CDH8: variants seen among roughly 807,000 people sequenced by gnomAD.
CDH8 encodes the protein cadherin-8.
Under a neutral mutation model 68.1 loss-of-function variants are expected in CDH8, and 17 were observed. That is an observed-to-expected ratio of 0.25 (90% confidence interval 0.17 to 0.37). The LOEUF is 0.37. Ranked by LOEUF, CDH8 falls within the 10% of genes least tolerant of loss-of-function variation. CDH8 has a pLI of 1.00. For missense variants in CDH8, 763 were observed against 999.3 expected (o/e 0.76, Z 3.19); for synonymous variants, 372 against 365.1 (o/e 1.02, Z -0.21).
intron 2 of CDH8, among the ~76,000 whole-genome samples, chr16:61,977,590 G>A (rs926443802): frequency 2.0e-5 from 3 of 152,000 alleles, no homozygotes; most frequent in African/African-American, 7.3e-5. Context: ...GTCTAAAATT[G>A]AACAATACAC....
chr16:61,778,425 G>A (rs756927609), intron 8 of CDH8, among the ~76,000 whole-genome samples: 25 of 151,990 alleles, frequency 1.6e-4, no homozygotes, highest in Admixed American at 3.3e-4. Flanking sequence ...CAAACATATT[G>A]GCTATGCAAT....
In CDH8 at chr16:61,871,815, C is replaced by CAAAAA. The variant is rs144379377; in HGVS notation, c.548-14582_548-14578dup. Among the ~76,000 whole-genome samples, 41 of 43,346 alleles carry CAAAAA rather than the reference C, an allele frequency of 9.5e-4. 1 individual carries two copies. The highest frequency in any genetic ancestry group is 1.2e-3 in the Non-Finnish European group (30 of 24,830). The allele number at this position is 43,346 out of a possible 152,430, so 28.4% of individuals were successfully genotyped here. ...TTGCTATGCTCTATTGTTCTATATG[C>CAAAAA]AAAAAAAAAAAAAAAAAAAAAAAAA... On this transcript the variant is annotated intron_variant, in intron 3 of 11. Transcript: ENST00000577390.
chr16:61,654,873 C>A (rs1293895681), intron 11 of CDH8, among the ~76,000 whole-genome samples: 1 of 152,026 alleles, frequency 6.6e-6, no homozygotes, highest in Admixed American at 6.6e-5. Context: ...TTTCTATTTT[C>A]CTACTGTATA....
At chr16:61,989,869 G>T (rs1459505598) in intron 2 of CDH8, among the ~76,000 whole-genome samples, 1 of 152,096 alleles carries the variant, frequency 6.6e-6, no homozygotes, top group African/African-American at 2.4e-5. Context: ...TATATAACTT[G>T]TCCAAGCCCG....
chr16:61,868,854 A>C (rs1963304578), intron 3 of CDH8, among the ~76,000 whole-genome samples: 1 of 152,172 alleles, frequency 6.6e-6, no homozygotes, highest in African/African-American at 2.4e-5. Flanking sequence ...GCAAACACAA[A>C]ATAATATGTG....
At chr16:61,813,324 G>T (rs1364923922) in intron 7 of CDH8, among the ~76,000 whole-genome samples, 1 of 152,170 alleles carries the variant, frequency 6.6e-6, no homozygotes. Flanking sequence ...AGACCCAAGT[G>T]CACACCCCAG....
chr16:61,669,031 G>T (rs746980021), intron 10 of CDH8, among the ~76,000 whole-genome samples: 7 of 151,994 alleles, frequency 4.6e-5, no homozygotes, highest in Non-Finnish European at 5.9e-5. Context: ...AGATATGAAA[G>T]AAACTATAGT....
intron 3 of CDH8, among the ~76,000 whole-genome samples, chr16:61,896,724 G>T (rs947033447): frequency 6.6e-6 from 1 of 152,006 alleles, no homozygotes; most frequent in African/African-American, 2.4e-5. Flanking sequence ...GCATAAAATC[G>T]ATATATAAGG....
At chr16:61,792,309 A>G (rs1180583839) in intron 7 of CDH8, among the ~76,000 whole-genome samples, 1 of 152,050 alleles carries the variant, frequency 6.6e-6, no homozygotes. Flanking sequence ...AGATTACACA[A>G]TAGAAGGAAC....
At chr16:61,768,385 T>TCTCC (rs1960681173) in intron 8 of CDH8, among the ~76,000 whole-genome samples, 1 of 91,090 alleles carries the variant, frequency 1.1e-5, no homozygotes, top group Non-Finnish European at 2.2e-5. Flanking sequence ...TCTCTCTCTC[T>TCTCC]CTCTCTCTCC....
chr16:61,799,223 G>A (rs1034749281), intron 7 of CDH8, among the ~76,000 whole-genome samples: 3 of 152,188 alleles, frequency 2.0e-5, no homozygotes, highest in African/African-American at 2.4e-5. Context: ...GCTGTTGATC[G>A]TGCCTGTCAT....
At chr16:61,854,463 T>C (rs576447068) in intron 4 of CDH8, among the ~76,000 whole-genome samples, 3 of 152,194 alleles carry the variant, frequency 2.0e-5, no homozygotes, top group Admixed American at 2.0e-4. Context: ...TTTTCTCCTC[T>C]TTGATCGCAT....
chr16:62,002,625 T>C (rs1965910311), intron 2 of CDH8, among the ~76,000 whole-genome samples: 1 of 152,344 alleles, frequency 6.6e-6, no homozygotes, highest in African/African-American at 2.4e-5. Flanking sequence ...GATGTTGTGA[T>C]ACAGCACAGT....
chr16:61,898,633 C>T (rs1219134606), intron 3 of CDH8, among the ~76,000 whole-genome samples: 2 of 152,086 alleles, frequency 1.3e-5, no homozygotes, highest in African/African-American at 4.8e-5. Context: ...TGGAAAATTA[C>T]TGAGATCATC....
At chr16:62,029,451 C>G (rs74021720) in intron 1 of CDH8, among the ~76,000 whole-genome samples, 4,203 of 152,212 alleles carry the variant, frequency 0.028, 147 homozygotes, top group African/African-American at 0.084. Context: ...AGCTTTCCCT[C>G]TCCACAACTA....
chr16:61,732,006 A>G (rs2142904428), intron 8 of CDH8, among the ~76,000 whole-genome samples: 1 of 151,886 alleles, frequency 6.6e-6, no homozygotes, highest in South Asian at 2.1e-4. Flanking sequence ...GAGAGACTCA[A>G]AAGTAGATTT....
At chr16:61,899,037 G>A (rs1049408164) in intron 3 of CDH8, among the ~76,000 whole-genome samples, 4 of 152,054 alleles carry the variant, frequency 2.6e-5, no homozygotes, top group African/African-American at 7.2e-5. Context: ...GTGCAGGTTT[G>A]TTACATAGGT....
At chr16:61,680,933 A>G (rs1005933164) in intron 10 of CDH8, among the ~76,000 whole-genome samples, 3 of 151,872 alleles carry the variant, frequency 2.0e-5, no homozygotes, top group Admixed American at 1.3e-4. Context: ...AATTCATTAC[A>G]CCAATGCAAA....
At chr16:61,922,452 CAT>C (rs1567530109) in intron 2 of CDH8, among the ~76,000 whole-genome samples, 1 of 152,162 alleles carries the variant, frequency 6.6e-6, no homozygotes, top group Admixed American at 6.6e-5. Flanking sequence ...TATAAAAAGA[CAT>C]ATAAAGAGAG....
Sources: gnomAD v4.1 joint callset for allele counts (sites outside exome capture counted in the v4.1 genomes callset) on GRCh38, gnomAD v4.1.1 for gene constraint, MANE v1.5 for transcripts, NCBI Gene and HGNC (gene_info 2026-07-23, HGNC 2026-07-21) for gene names.